Variants in ROCK1 observed in about 807,000 individuals in gnomAD.
ROCK1 encodes Rho associated coiled-coil containing protein kinase 1, also known as rho-associated protein kinase 1.
A neutral mutation model predicts 196.8 loss-of-function variants in ROCK1; 36 were observed. The ratio of observed to expected loss-of-function variants is 0.18; its 90% CI spans 0.14 to 0.24. ROCK1 has a LOEUF of 0.24. ROCK1 is among the 10% of genes least tolerant of loss of function. The pLI is 1.00. For missense variants in ROCK1, 920 were observed against 1,562.0 expected (o/e 0.59, Z 6.93); for synonymous variants, 443 against 515.9 (o/e 0.86, Z 1.91).
chr18:21,020,148 C>G lies in ROCK1; in HGVS notation c.1361+3G>C, dbSNP rs1197859547. On this transcript the variant is annotated splice_donor_region_variant and intron_variant, in intron 12 of 32. Transcript: ENST00000399799. ...ATATGAAAAACTTAAAGTATATTCT[C>G]ACCTGCACTTCTGCTCCATTTCATC... 6.4e-7 allele frequency: 1 copy of G among 1,567,938 alleles called. No homozygotes were observed.
intron 9 of ROCK1, among the ~76,000 whole-genome samples, chr18:21,032,314 TG>T (rs2036015544): frequency 6.6e-6 from 1 of 152,158 alleles, no homozygotes; most frequent in Non-Finnish European, 1.5e-5. Flanking sequence ...CAACCTAGAT[TG>T]TTTTCAATTT....
chr18:21,014,564 A>T (rs958391595), intron 13 of ROCK1, among the ~76,000 whole-genome samples: 1 of 152,232 alleles, frequency 6.6e-6, no homozygotes, highest in Non-Finnish European at 1.5e-5. Flanking sequence ...CTGTGTTTTA[A>T]AAGTTAAATA....
intron 17 of ROCK1, among the ~76,000 whole-genome samples, chr18:20,991,573 C>T (rs2035626367): frequency 6.6e-6 from 1 of 151,988 alleles, no homozygotes; most frequent in African/African-American, 2.4e-5. Flanking sequence ...TTGCTAAGAT[C>T]GGAAATGAAT....
chr18:20,962,961 A>C (rs1427805636), intron 27 of ROCK1, among the ~76,000 whole-genome samples: 3 of 152,078 alleles, frequency 2.0e-5, no homozygotes, highest in Non-Finnish European at 4.4e-5. Flanking sequence ...AAAATATATA[A>C]AGACCTCCTC....
rs2036360221 is a variant in ROCK1 at position 21,068,939 on chromosome 18, T to C, written c.175+1593A>G. On this transcript the variant is annotated intron_variant, in intron 2 of 32. Coordinates refer to ENST00000399799, the MANE Select transcript of ROCK1 (RefSeq NM_005406.3). Reference sequence around the variant, plus strand: ...GAAAGTTTTACTTCTTCCTTTTCAATCTGTACGGCTTTTCTTTATTTTACC... The same window carrying C: ...GAAAGTTTTACTTCTTCCTTTTCAACCTGTACGGCTTTTCTTTATTTTACC... Among the ~76,000 whole-genome samples, 3 of 152,126 alleles carry C rather than the reference T, an allele frequency of 2.0e-5. 1 individual carries two copies. In the South Asian group the frequency reaches 6.2e-4, roughly 31 times the overall value.
At chr18:20,964,878 A>G (rs1381766147) in intron 27 of ROCK1, among the ~76,000 whole-genome samples, 1 of 152,198 alleles carries the variant, frequency 6.6e-6, no homozygotes, top group African/African-American at 2.4e-5. Context: ...TGAATCAGCC[A>G]CGATGGTGGG....
chr18:21,035,230 T>C (rs984615957), intron 9 of ROCK1, among the ~76,000 whole-genome samples: 14 of 152,334 alleles, frequency 9.2e-5, no homozygotes, highest in African/African-American at 3.4e-4. Context: ...TGGATACTAT[T>C]ATGGCGTTTC....
intron 2 of ROCK1, among the ~76,000 whole-genome samples, chr18:21,055,811 T>C (rs2143527386): frequency 6.6e-6 from 1 of 152,344 alleles, no homozygotes; most frequent in Non-Finnish European, 1.5e-5. Context: ...CTATAATTTC[T>C]GTGACTAAAT....
At chr18:21,103,228 G>GT (rs2036674605) in intron 1 of ROCK1, among the ~76,000 whole-genome samples, 1 of 151,980 alleles carries the variant, frequency 6.6e-6, no homozygotes, top group Non-Finnish European at 1.5e-5. Context: ...AATTATGAAC[G>GT]TAAGTCACAA....
rs199503927 is a variant in ROCK1 at position 21,042,127 on chromosome 18, T to C, written c.929A>G (p.Lys310Arg). The change falls in exon 8 of 33, where the codon AAA (lysine) becomes AGA (arginine). Residue 310 changes from lysine to arginine, a missense_variant. By Grantham distance (26) the Lys-to-Arg change is conservative (BLOSUM62 2). Transcript: ENST00000399799. The part of the protein sequence containing the change: ...PDDNDISKEA[K>R]NLICAFLTDR... ...AGTAAGGAAGGCACAAATAAGGTTT[T>C]TTGCTTCTTTTGATATGTCATTATC... The C allele has an allele frequency of 4.4e-6, 7 of 1,602,552 alleles. No homozygotes were observed. In the East Asian group the frequency reaches 1.6e-4, roughly 36 times the overall value.
chr18:21,077,092 G>T (rs1481138726), intron 1 of ROCK1, among the ~76,000 whole-genome samples: 1 of 149,052 alleles, frequency 6.7e-6, no homozygotes, highest in Non-Finnish European at 1.5e-5. Flanking sequence ...TCCTGCCTCA[G>T]CCTCCCGAGT....
chr18:21,046,823 TTTAG>T (rs1359526065), intron 4 of ROCK1, among the ~76,000 whole-genome samples: 2 of 152,184 alleles, frequency 1.3e-5, no homozygotes, highest in African/African-American at 2.4e-5. Context: ...GTTTAATAAT[TTTAG>T]TTATAGATTC....
rs9963775 is a variant in ROCK1 at position 20,994,590 on chromosome 18, T to A, written c.1886-1653A>T. Among the ~76,000 whole-genome samples the A allele has an allele frequency of 9.8e-3, 1,497 of 152,258 alleles. 19 individuals carry two copies. Among genetic ancestry groups the A allele is most frequent in the African/African-American group, 0.035 (1,437 of 41,554 alleles). On this transcript the variant is annotated intron_variant, in intron 16 of 32. Coordinates refer to ENST00000399799, the MANE Select transcript of ROCK1 (RefSeq NM_005406.3). ...AGAAAATCTGTTTTAAAAATCATTTTAAAAAATCTGTACAAAGATAGTAAT... is the reference window on the plus strand; with the variant it reads ...AGAAAATCTGTTTTAAAAATCATTTAAAAAAATCTGTACAAAGATAGTAAT...
intron 2 of ROCK1, among the ~76,000 whole-genome samples, chr18:21,067,425 C>T (rs1413008378): frequency 1.5e-5 from 2 of 136,868 alleles, no homozygotes; most frequent in East Asian, 4.2e-4. Context: ...CTTGCTCTGT[C>T]GCCCAGGCTG....
chr18:20,972,707 T>C (rs763929925), intron 22 of ROCK1, among the ~76,000 whole-genome samples: 14 of 152,184 alleles, frequency 9.2e-5, no homozygotes, highest in Admixed American at 5.9e-4. Flanking sequence ...GAAGTCACTA[T>C]TAGGAAGACC....
intron 13 of ROCK1, among the ~76,000 whole-genome samples, chr18:21,009,649 T>C (rs550542701): frequency 6.6e-6 from 1 of 152,348 alleles, no homozygotes; most frequent in South Asian, 2.1e-4. Flanking sequence ...CCAGAATGTC[T>C]GTACCATTTT....
At position 20,965,009 on chromosome 18, in the gene ROCK1, C is replaced by A. The variant is rs143017242; in HGVS notation, c.3352+1908G>T. 1.6e-4 allele frequency among the ~76,000 whole-genome samples: 24 copies of A among 152,246 alleles called. No homozygotes were observed. The East Asian group carries it at 4.6e-3, about 29-fold the overall frequency. ...CATATTTAACCCAATACTAAGAACACTAAGGTGCATATAAGGCATTATAAA... is the reference window on the plus strand; with the variant it reads ...CATATTTAACCCAATACTAAGAACAATAAGGTGCATATAAGGCATTATAAA... On this transcript the variant is annotated intron_variant, in intron 27 of 32. Coordinates refer to ENST00000399799, the MANE Select transcript of ROCK1 (RefSeq NM_005406.3).
chr18:21,102,440 CAT>C (rs1428447120), intron 1 of ROCK1, among the ~76,000 whole-genome samples: 37 of 152,100 alleles, frequency 2.4e-4, no homozygotes, highest in African/African-American at 8.7e-4. Context: ...GAAAGTGGGA[CAT>C]GTTTGTTTTT....
chr18:21,003,024 G>A (rs1276206220), intron 16 of ROCK1, among the ~76,000 whole-genome samples: 1 of 152,162 alleles, frequency 6.6e-6, no homozygotes, highest in African/African-American at 2.4e-5. Flanking sequence ...ACAGGTGTGA[G>A]CCACTGCACC....
Sources: allele counts gnomAD v4.1 joint callset (sites outside exome capture counted in the v4.1 genomes callset), GRCh38; gene constraint gnomAD v4.1.1; transcripts MANE v1.5; gene names NCBI Gene and HGNC (gene_info 2026-07-23, HGNC 2026-07-21).